Variants in NXN observed in about 807,000 individuals in gnomAD.
NXN encodes nucleoredoxin, also known as nucleoredoxin 1.
In NXN, 16 loss-of-function variants were observed where a neutral mutation model predicts 48.6. That is an observed-to-expected ratio of 0.33 (90% CI 0.22 to 0.50). The LOEUF is 0.50. Ranked by LOEUF, NXN falls within the 20% of genes least tolerant of loss-of-function variation. The pLI, the probability that NXN is intolerant of heterozygous loss-of-function variation, is 0.98. For synonymous variants in NXN, 281 were observed against 269.6 expected, an observed-to-expected ratio of 1.04 and a Z score of -0.41; for missense variants, 492 against 605.5, an observed-to-expected ratio of 0.81 and a Z score of 1.97.
At chr17:948,244 C>T (rs971441150) in intron 1 of NXN, among the ~76,000 whole-genome samples, 2 of 152,008 alleles carry the variant, frequency 1.3e-5, no homozygotes, top group Non-Finnish European at 2.9e-5. Context: ...AGGATTACCC[C>T]ATTTACCCTG....
intron 1 of NXN, among the ~76,000 whole-genome samples, chr17:924,090 C>T (rs1486339648): frequency 6.7e-6 from 1 of 148,516 alleles, no homozygotes; most frequent in Admixed American, 6.7e-5. Flanking sequence ...TTTTTTGAGA[C>T]AGGGTCTCAC....
chr17:962,536 C>A (rs1333393389), intron 1 of NXN, among the ~76,000 whole-genome samples: 4 of 152,030 alleles, frequency 2.6e-5, no homozygotes, highest in East Asian at 1.9e-4. Context: ...GTCTCATAAC[C>A]CCATCTCAAA....
At chr17:963,645 A>G (rs1419355471) in intron 1 of NXN, among the ~76,000 whole-genome samples, 1 of 152,088 alleles carries the variant, frequency 6.6e-6, no homozygotes, top group African/African-American at 2.4e-5. Flanking sequence ...TTAAAATGCT[A>G]AATTGATTTG....
chr17:804,866 G>A (rs944752494), intron 6 of NXN, among the ~76,000 whole-genome samples: 7 of 152,204 alleles, frequency 4.6e-5, no homozygotes, highest in Non-Finnish European at 1.0e-4. Context: ...CAGCTAGGAG[G>A]GAAAGTGCAG....
intron 1 of NXN, chr17:896,860 C>CGGGGGGGGGGGGGG: frequency 1.8e-6 from 1 of 566,102 alleles, no homozygotes; most frequent in Non-Finnish European, 2.7e-6. Context: ...CCTGACCACC[C>CGGGGGGGGGGGGGG]GCCCCCGGCC....
At position 849,990 on chromosome 17, in the gene NXN, T is replaced by C. The variant is rs2067906853; in HGVS notation, c.361-23912A>G. 6.6e-6 allele frequency among the ~76,000 whole-genome samples: 1 copy of C among 152,086 alleles called. No homozygotes were observed. Among genetic ancestry groups the C allele is most frequent in the Admixed American group, 6.5e-5 (1 of 15,278 alleles). On this transcript the variant is annotated intron_variant, in intron 1 of 7. Coordinates refer to ENST00000336868, the MANE Select transcript of NXN (RefSeq NM_022463.5). This position sits in a 1 kb window ranked among gnomAD's most constrained non-coding sequence, Gnocchi z 4.2. ...CCCAGCTGGGTGCCGTTCCTGCATC[T>C]GGAGGCCCCTGTGATGAAGGACTGT... is the stretch of plus-strand genomic sequence containing the variant.
At chr17:964,366 A>G (rs1264577453) in intron 1 of NXN, among the ~76,000 whole-genome samples, 2 of 152,168 alleles carry the variant, frequency 1.3e-5, no homozygotes, top group African/African-American at 4.8e-5. Context: ...ATTTCTTCAC[A>G]AGAAAGAAGG....
chr17:864,574 G>A (rs1258709390), intron 1 of NXN, among the ~76,000 whole-genome samples: 1 of 152,188 alleles, frequency 6.6e-6, no homozygotes, highest in East Asian at 1.9e-4. Context: ...CAACATGAGT[G>A]TGAGGCTTTG....
chr17:824,481 CGCCTCGGG>C (rs1228374968), intron 2 of NXN, among the ~76,000 whole-genome samples: 4 of 152,178 alleles, frequency 2.6e-5, no homozygotes, highest in Non-Finnish European at 4.4e-5. Context: ...TGGGAATCAT[CGCCTCGGG>C]GCCTCGGGAA....
At chr17:813,888 C>T (rs1467492454) in intron 5 of NXN, among the ~76,000 whole-genome samples, 1 of 151,704 alleles carries the variant, frequency 6.6e-6, no homozygotes, top group African/African-American at 2.4e-5. Flanking sequence ...ATCGCTTGAA[C>T]CCGGGAGGCA....
intron 1 of NXN, among the ~76,000 whole-genome samples, chr17:954,377 T>C (rs999812023): frequency 6.6e-6 from 1 of 151,980 alleles, no homozygotes; most frequent in East Asian, 1.9e-4. Context: ...CAAGACTCCA[T>C]CTCCAAAAAA....
At chr17:843,052 G>GAAAGAA (rs1555613142) in intron 1 of NXN, among the ~76,000 whole-genome samples, 16 of 114,896 alleles carry the variant, frequency 1.4e-4, no homozygotes, top group African/African-American at 4.3e-4. Context: ...AAGAAAGAAA[G>GAAAGAA]AAAGAAGGAA....
intron 1 of NXN, among the ~76,000 whole-genome samples, chr17:840,588 C>G (rs1375256207): frequency 6.6e-6 from 1 of 152,194 alleles, no homozygotes; most frequent in Non-Finnish European, 1.5e-5. Context: ...ATCCGCCCGC[C>G]TGGGCCTCCC....
intron 5 of NXN, among the ~76,000 whole-genome samples, chr17:812,185 C>T (rs1349882036): frequency 2.6e-5 from 4 of 151,958 alleles, no homozygotes; most frequent in Admixed American, 1.3e-4. Context: ...CCTCGGCCTC[C>T]CAAAGTGCTG....
chr17:954,099 C>A (rs2069141474), intron 1 of NXN, among the ~76,000 whole-genome samples: 1 of 152,158 alleles, frequency 6.6e-6, no homozygotes, highest in South Asian at 2.1e-4. Flanking sequence ...CACTCCTGGC[C>A]AGGCGCCGTG....
In NXN at chr17:917,812, C is replaced by T. The variant is rs1279111281; in HGVS notation, c.360+61507G>A. Among the ~76,000 whole-genome samples, 1 of 152,066 alleles carries T rather than the reference C, an allele frequency of 6.6e-6. No individual in the cohort carries two copies. Among genetic ancestry groups the T allele is most frequent in the African/African-American group, 2.4e-5 (1 of 41,398 alleles). On this transcript the variant is annotated intron_variant, in intron 1 of 7. Coordinates refer to ENST00000336868, the MANE Select transcript of NXN (RefSeq NM_022463.5). The surrounding 1 kb of genome is among the most constrained non-coding windows in gnomAD (Gnocchi z 4.5). ...GGCCTCGCAGAGGTGGGGACAAGGGCGGATGGGAAAGGGGATAAGCGACAG... is the reference window on the plus strand; with the variant it reads ...GGCCTCGCAGAGGTGGGGACAAGGGTGGATGGGAAAGGGGATAAGCGACAG...
chr17:936,488 C>G (rs1017925934), intron 1 of NXN, among the ~76,000 whole-genome samples: 4 of 151,552 alleles, frequency 2.6e-5, no homozygotes, highest in Admixed American at 1.3e-4. Context: ...CCACCCAGCT[C>G]GATGATTCTC....
intron 1 of NXN, among the ~76,000 whole-genome samples, chr17:938,170 T>C (rs2068930221): frequency 6.6e-6 from 1 of 152,064 alleles, no homozygotes; most frequent in African/African-American, 2.4e-5. Flanking sequence ...TTCGGAGGGG[T>C]CAGGGTCAGA....
intron 5 of NXN, among the ~76,000 whole-genome samples, chr17:818,434 A>G (rs568986655): frequency 5.3e-4 from 81 of 152,118 alleles, no homozygotes; most frequent in Admixed American, 9.8e-4. Flanking sequence ...TCTGTGGCAA[A>G]GCTTTACCAC....
Sources: allele counts gnomAD v4.1 joint callset (sites outside exome capture counted in the v4.1 genomes callset), GRCh38; gene constraint gnomAD v4.1.1; non-coding constraint Gnocchi (gnomAD v3.1); transcripts MANE v1.5; gene names NCBI Gene and HGNC (gene_info 2026-07-23, HGNC 2026-07-21).